The following ITPR3 variants were observed in gnomAD, a reference collection of about 807,000 sequenced individuals.
ITPR3 encodes inositol 1,4,5-trisphosphate receptor type 3.
In ITPR3, 173 loss-of-function variants were observed where a neutral mutation model predicts 293.2. The observed-to-expected ratio is 0.59, with a 90% confidence interval of 0.52 to 0.67. The LOEUF (loss-of-function observed/expected upper bound fraction) is 0.67, where lower values mean the gene tolerates loss of function less well. Ranked by LOEUF, ITPR3 falls within the 30% of genes least tolerant of loss-of-function variation. The probability of loss-of-function intolerance (pLI) is 0.00; values close to 1 mark genes in which losing one functional copy is unlikely to be tolerated. For synonymous variants in ITPR3, 1,295 were observed against 1,444.4 expected, an observed-to-expected ratio of 0.90 and a Z score of 2.35; for missense variants, 2,796 against 3,592.1, an observed-to-expected ratio of 0.78 and a Z score of 5.66.
At chr6:33,693,034 A>T in intron 55 of ITPR3, 141 bp downstream of exon 55, 1 of 779,018 alleles carries the variant, frequency 1.3e-6, no homozygotes. Flanking sequence ...CTCATCCCAG[A>T]ACTGGGGAGA....
rs1245585584 is a variant in ITPR3, at chr6:33,621,788, G to GCCTGGACGC, written c.89+105_89+106insCCCTGGACG. 5.9e-6 allele frequency: 5 copies of GCCTGGACGC among 851,400 alleles called. No homozygotes were observed. Among genetic ancestry groups the GCCTGGACGC allele is most frequent in the Non-Finnish European group, 9.5e-6 (5 of 526,728 alleles). The allele number at this position is 851,400 out of a possible 1,614,324, so 52.7% of individuals were successfully genotyped here. On this transcript the variant is annotated intron_variant, in intron 1 of 57. Transcript: ENST00000605930. The surrounding 1 kb of genome is among the most constrained non-coding windows in gnomAD (Gnocchi z 7.7). ...GTCCAGCCGCCGCCCCCCGATAGAG[G>GCCTGGACGC]CCTGGACGTCCCCCTAGTCTCAAGG...
chr6:33,651,134 G>A lies in ITPR3; in HGVS notation c.161-4632G>A, dbSNP rs547845561. Among the ~76,000 whole-genome samples the A allele has an allele frequency of 5.9e-5, 9 of 152,042 alleles. No individual in the cohort carries two copies. In the South Asian group the frequency reaches 1.7e-3, roughly 28 times the overall value. ...TACTGAAAAATACAAAAAATTAGCC[G>A]GGCGTGGTGGCACGCGCCTGTAATC... On this transcript the variant is annotated intron_variant, in intron 2 of 57. Transcript: ENST00000605930.
chr6:33,686,095 G>C lies in ITPR3; in HGVS notation c.5710G>C (p.Val1904Leu). The change falls in exon 42 of 58, where the codon GTA becomes CTA. Residue 1904 changes from valine to leucine, a missense_variant. Val to Leu is a conservative substitution (Grantham distance 32). Around this residue, in one of 8 missense-constraint regions of ITPR3, gnomAD observed 704 missense variants for 797.5 expected, o/e 0.88. Transcript: ENST00000605930. ...GAACAACAAAACCAACTACAACTTG[G>C]TATGCGAGACGCTGCAGTTCCTGGA... ...CQNNKTNYNL[V>L]CETLQFLDIM... The C allele has an allele frequency of 6.2e-7, 1 of 1,614,192 alleles. No individual in the cohort carries two copies. The highest frequency in any genetic ancestry group is 1.3e-5 in the African/African-American group (1 of 75,062).
Position 33,667,437 on chromosome 6 carries a change from T to G in ITPR3, c.1713+147T>G. On this transcript the variant is annotated intron_variant, in intron 15 of 57. Coordinates refer to ENST00000605930, the MANE Select transcript of ITPR3 (RefSeq NM_002224.4). This position sits in a 1 kb window ranked among gnomAD's most constrained non-coding sequence, Gnocchi z 4.4. ...GACAGCAGGGCCGGGTTCATGGGAA[T>G]GGGACCTGGCCCGGTGCTCACAAGG... The G allele has an allele frequency of 9.2e-7, 1 of 1,090,406 alleles. No homozygotes were observed. Among genetic ancestry groups the G allele is most frequent in the Non-Finnish European group, 1.3e-6 (1 of 780,104 alleles). 67.5% of individuals were successfully genotyped at this position (1,090,406 alleles called of 1,614,324 possible).
Position 33,621,360 on chromosome 6 carries a change from CCGGGCGGGG to C in ITPR3, c.-234_-226del. On this transcript the variant is annotated 5_prime_UTR_variant, in exon 1 of 58. Coordinates refer to ENST00000605930, the MANE Select transcript of ITPR3 (RefSeq NM_002224.4). This position sits in a 1 kb window ranked among gnomAD's most constrained non-coding sequence, Gnocchi z 7.7. ...CTTCTACGCTGCAGGTACGCGCGGG[CCGGGCGGGG>C]CGGGCGGGCGGCGGGCGCGCCAAGA... is the stretch of plus-strand genomic sequence containing the variant. 1 of 235,348 alleles carries C rather than the reference CCGGGCGGGG, an allele frequency of 4.2e-6. No homozygotes were observed. Among genetic ancestry groups the C allele is most frequent in the Non-Finnish European group, 8.1e-6 (1 of 123,708 alleles). The allele number at this position is 235,348 out of a possible 1,614,324, so 14.6% of individuals were successfully genotyped here.
intron 50 of ITPR3, 22 bp from the exon 51 acceptor site, chr6:33,690,005 TGACTCTC>T (rs1765346751): frequency 6.2e-7 from 1 of 1,613,668 alleles, no homozygotes; most frequent in East Asian, 2.2e-5. Flanking sequence ...GGTAGGGTGC[TGACTCTC>T]ATGCCTTGCA....
intron 28 of ITPR3, among the ~76,000 whole-genome samples, 183 bp downstream of exon 28, chr6:33,677,812 G>C (rs973137937): frequency 3.9e-5 from 6 of 152,156 alleles, no homozygotes; most frequent in Admixed American, 6.5e-5. Context: ...TTCAACCTTT[G>C]ACCCTCTACC....
chr6:33,688,595 G>C, intron 48 of ITPR3, 61 bp from the exon 49 acceptor site: 1 of 1,603,422 alleles, frequency 6.2e-7, no homozygotes, highest in South Asian at 1.1e-5. Context: ...GGCCCCACAT[G>C]CAAGGGGCAG....
chr6:33,625,902 G>A (rs1356358180), intron 1 of ITPR3, among the ~76,000 whole-genome samples: 2 of 152,158 alleles, frequency 1.3e-5, no homozygotes, highest in Admixed American at 1.3e-4. Context: ...CAGGAAGGGT[G>A]TCTGTCTCAT....
Position 33,666,087 on chromosome 6 carries a change from GACCA to G in ITPR3, c.1551+112_1551+115del. On this transcript the variant is annotated intron_variant, in intron 14 of 57. Coordinates refer to ENST00000605930, the MANE Select transcript of ITPR3 (RefSeq NM_002224.4). The surrounding 1 kb of genome is among the most constrained non-coding windows in gnomAD (Gnocchi z 5.1). The stretch of plus-strand genomic sequence containing the variant: ...ACAAAAATCAGTATATATGGGGCAC[GACCA>G]CGTGCCAGGGACTTCCCTAAGTACC... 3.1e-6 allele frequency: 4 copies of G among 1,296,100 alleles called. No homozygotes were observed. The highest frequency in any genetic ancestry group is 4.2e-6 in the Non-Finnish European group (4 of 954,242). The allele number at this position is 1,296,100 out of a possible 1,614,324, so 80.3% of individuals were successfully genotyped here.
chr6:33,680,242 C>T (rs1032439662), intron 31 of ITPR3, 87 bp from the exon 32 acceptor site: 28 of 1,572,318 alleles, frequency 1.8e-5, no homozygotes, highest in African/African-American at 2.7e-5. Context: ...GGGCAGGAAC[C>T]GGAGGCCAGG....
chr6:33,685,858 C>G (rs1479491361), intron 41 of ITPR3, 31 bp downstream of exon 41: 1 of 1,549,154 alleles, frequency 6.5e-7, no homozygotes, highest in South Asian at 1.2e-5. Flanking sequence ...CTGCCCCTTC[C>G]CCCGCTGGCC....
intron 21 of ITPR3, among the ~76,000 whole-genome samples, chr6:33,671,654 C>T (rs1279005793): frequency 6.6e-6 from 1 of 152,224 alleles, no homozygotes; most frequent in Non-Finnish European, 1.5e-5. Context: ...CTCCCAGACA[C>T]TCCCAGGCTG....
chr6:33,650,112 A>G (rs916984958), intron 2 of ITPR3, among the ~76,000 whole-genome samples: 4 of 151,724 alleles, frequency 2.6e-5, no homozygotes, highest in Non-Finnish European at 4.4e-5. Flanking sequence ...TGATGCTGCA[A>G]CTCCTGTGTG....
chr6:33,643,587 C>T (rs1443052752), intron 2 of ITPR3, among the ~76,000 whole-genome samples: 1 of 152,182 alleles, frequency 6.6e-6, no homozygotes, highest in Non-Finnish European at 1.5e-5. Context: ...GCTGACTGGG[C>T]TGAGCCTGGG....
chr6:33,682,849 G>A lies in ITPR3; in HGVS notation c.4597+205G>A, dbSNP rs1235545916. The stretch of plus-strand genomic sequence containing the variant: ...TCCTCTGGGTCAGTTCCCCAGAGAA[G>A]GATGCTCGCCGACATTCTCCAGCTA... On this transcript the variant is annotated intron_variant, in intron 34 of 57. Coordinates refer to ENST00000605930, the MANE Select transcript of ITPR3 (RefSeq NM_002224.4). The surrounding 1 kb of genome is among the most constrained non-coding windows in gnomAD (Gnocchi z 5.4). Among the ~76,000 whole-genome samples, 2 of 152,196 alleles carry A rather than the reference G, an allele frequency of 1.3e-5. No homozygotes were observed. Among genetic ancestry groups the A allele is most frequent in the Non-Finnish European group, 1.5e-5 (1 of 68,042 alleles).
rs55958712 is a variant in ITPR3, at chr6:33,661,992, GAA to G, written c.712-512_712-511del. 9.7e-3 allele frequency among the ~76,000 whole-genome samples: 458 copies of G among 47,146 alleles called. 4 individuals are homozygous for G. Among genetic ancestry groups the G allele is most frequent in the African/African-American group, 0.029 (435 of 15,114 alleles). 30.9% of individuals were successfully genotyped at this position (47,146 alleles called of 152,430 possible). On this transcript the variant is annotated intron_variant, in intron 7 of 57. Transcript: ENST00000605930. ...CCTGGGCAACAGAGTGACTGTCTCTGAAAAAAAAAAAAAAAAAAAAAAAAAGA... is the reference window on the plus strand; with the variant it reads ...CCTGGGCAACAGAGTGACTGTCTCTGAAAAAAAAAAAAAAAAAAAAAAAGA...
At chr6:33,646,323 A>G in intron 2 of ITPR3, among the ~76,000 whole-genome samples, 1 of 150,790 alleles carries the variant, frequency 6.6e-6, no homozygotes, top group Non-Finnish European at 1.5e-5. Context: ...ACATCAAAAC[A>G]CCATACAAAC....
rs1765407368 is a variant in ITPR3 at position 33,691,993 on chromosome 6, G to A, written c.7458+65G>A. 2 of 1,604,512 alleles carry A rather than the reference G, an allele frequency of 1.2e-6. No individual in the cohort carries two copies. Among genetic ancestry groups the A allele is most frequent in the African/African-American group, 1.3e-5 (1 of 74,952 alleles). ...GCCACTGTCCAGATCAGCAACTGTG[G>A]AGAGTCCTGTCCTTGGCCTCGCGTC... On this transcript the variant is annotated intron_variant, in intron 54 of 57. Coordinates refer to ENST00000605930, the MANE Select transcript of ITPR3 (RefSeq NM_002224.4). This position sits in a 1 kb window ranked among gnomAD's most constrained non-coding sequence, Gnocchi z 4.9.
Sources: allele counts gnomAD v4.1 joint callset (sites outside exome capture counted in the v4.1 genomes callset), GRCh38; gene constraint gnomAD v4.1.1; regional missense constraint gnomAD v4.1.1; non-coding constraint Gnocchi (gnomAD v3.1); transcripts MANE v1.5; gene names NCBI Gene and HGNC (gene_info 2026-07-23, HGNC 2026-07-21).